MCPH1: variants seen among roughly 807,000 people sequenced by gnomAD.
The protein encoded by MCPH1 is microcephalin.
Under a neutral mutation model 84.5 loss-of-function variants are expected in MCPH1, and 104 were observed. That is an observed-to-expected ratio of 1.23 (90% CI 1.05 to 1.45). The LOEUF is 1.45. Among genes scored for constraint, MCPH1 ranks in the 40% most tolerant of loss-of-function variants. The probability of loss-of-function intolerance (pLI) is 0.00; values close to 1 mark genes in which losing one functional copy is unlikely to be tolerated. For missense variants in MCPH1, 1,498 were observed against 1,005.7 expected (o/e 1.49, Z -6.62); for synonymous variants, 514 against 366.8 (o/e 1.40, Z -4.58).
intron 12 of MCPH1, chr8:6,521,491 G>C (rs1314665808): frequency 2.0e-6 from 2 of 1,021,754 alleles, no homozygotes; most frequent in Non-Finnish European, 2.8e-6. Flanking sequence ...ACTTCTCCAA[G>C]GTACTCTGTT....
chr8:6,538,364 C>T (rs1457598569), intron 12 of MCPH1, among the ~76,000 whole-genome samples: 1 of 152,346 alleles, frequency 6.6e-6, no homozygotes, highest in East Asian at 1.9e-4. Flanking sequence ...GCCACGCATC[C>T]CCCAGCTGCT....
In MCPH1 at chr8:6,477,603, A is replaced by G. The variant is rs1330847860; in HGVS notation, c.1945A>G (p.Thr649Ala). Residue 649 changes from threonine (T) to alanine (A), a missense_variant, in exon 10 of 14, where the codon ACA (threonine) becomes GCA (alanine). Thr to Ala is a moderately conservative substitution (Grantham distance 58, BLOSUM62 0). Coordinates refer to ENST00000344683, the MANE Select transcript of MCPH1 (RefSeq NM_024596.5). ...TGTTTGAAATCTCTAGCCAACAAGA[A>G]CATTAGTCATGACAAGCATGCCATC... is the stretch of plus-strand genomic sequence containing the variant. The part of the protein sequence containing the change: ...KSGRGKKPTR[T>A]LVMTSMPSEK... The G allele has an allele frequency of 6.2e-7, 1 of 1,613,154 alleles. No individual in the cohort carries two copies. The highest frequency in any genetic ancestry group is 8.5e-7 in the Non-Finnish European group (1 of 1,179,434).
chr8:6,499,809 G>C lies in MCPH1; in HGVS notation c.2137-43G>C, dbSNP rs186408516. 3.2e-6 allele frequency: 5 copies of C among 1,567,080 alleles called. No individual in the cohort carries two copies. The Admixed American group carries it at 5.0e-5, about 16-fold the overall frequency. ...GATTCTTGGTTTATTGCCTGCTAAG[G>C]CTAATAAATGTATAATAAATCTGCT... On this transcript the variant is annotated intron_variant, in intron 11 of 13. Transcript: ENST00000344683.
intron 9 of MCPH1, among the ~76,000 whole-genome samples, chr8:6,470,385 G>A (rs1807562085): frequency 6.6e-6 from 1 of 152,172 alleles, no homozygotes; most frequent in Non-Finnish European, 1.5e-5. Flanking sequence ...CCGGGTTCAA[G>A]CGATTCTCCT....
At chr8:6,501,206 C>A (rs1392664789) in intron 12 of MCPH1, 1 of 152,110 alleles carries the variant, frequency 6.6e-6, no homozygotes, top group African/African-American at 2.4e-5. Context: ...ATCATTGACT[C>A]CAAATATGTA....
chr8:6,633,300 CAAT>C (rs1797302232), intron 13 of MCPH1, among the ~76,000 whole-genome samples: 1 of 152,132 alleles, frequency 6.6e-6, no homozygotes, highest in Non-Finnish European at 1.5e-5. Flanking sequence ...CAAAGAGAGT[CAAT>C]AAACTGTTAC....
chr8:6,437,737 G>C (rs748408875), intron 5 of MCPH1, among the ~76,000 whole-genome samples: 28 of 152,094 alleles, frequency 1.8e-4, no homozygotes, highest in Non-Finnish European at 3.2e-4. Context: ...ACGTGCAATC[G>C]TCCTTGACAT....
rs1038555805 is a variant in MCPH1, at chr8:6,536,943, A to G, written c.2214+37014A>G. On this transcript the variant is annotated intron_variant, in intron 12 of 13. Transcript: ENST00000344683. ...AACCTGCCCAGAAATATGAAATTCC[A>G]TTCTAAGTATAAGGAAGTCTTAGTA... Among the ~76,000 whole-genome samples, 4 of 150,310 alleles carry G rather than the reference A, an allele frequency of 2.7e-5. No homozygotes were observed. In the South Asian group the frequency reaches 8.5e-4, roughly 32 times the overall value.
intron 12 of MCPH1, among the ~76,000 whole-genome samples, chr8:6,599,845 C>T (rs1563171526): frequency 6.6e-6 from 1 of 152,148 alleles, no homozygotes; most frequent in Non-Finnish European, 1.5e-5. Context: ...CTCCTTGCTC[C>T]CATATACCAA....
intron 12 of MCPH1, among the ~76,000 whole-genome samples, chr8:6,558,017 C>T (rs1824930702): frequency 6.6e-6 from 1 of 152,188 alleles, no homozygotes; most frequent in Non-Finnish European, 1.5e-5. Flanking sequence ...GTCTCTGTCT[C>T]TCCTGCCCCT....
intron 12 of MCPH1, among the ~76,000 whole-genome samples, chr8:6,595,432 A>C (rs1828843343): frequency 6.6e-6 from 1 of 152,184 alleles, no homozygotes; most frequent in Non-Finnish European, 1.5e-5. Context: ...AAGTTGGCCA[A>C]GTAGATGCAG....
In MCPH1 at chr8:6,532,395, T is replaced by G. The variant is rs767171060; in HGVS notation, c.2214+32466T>G. The G allele has an allele frequency of 8.2e-5, 133 of 1,614,062 alleles. No homozygotes were observed. The South Asian group carries it at 1.4e-3, about 17-fold the overall frequency. ...CTGTTTGGTTCAACAGGTTTGTCCC[T>G]ATTTCTATCATCACAGCCGTCTGGT... is the stretch of plus-strand genomic sequence containing the variant. On this transcript the variant is annotated intron_variant, in intron 12 of 13. Coordinates refer to ENST00000344683, the MANE Select transcript of MCPH1 (RefSeq NM_024596.5).
chr8:6,447,207 C>T (rs1804527599), intron 8 of MCPH1: 6 of 985,212 alleles, frequency 6.1e-6, no homozygotes, highest in Admixed American at 1.2e-4. Context: ...TTTAAACTGT[C>T]CACTGTCAGC....
intron 13 of MCPH1, among the ~76,000 whole-genome samples, chr8:6,640,320 G>A (rs893377446): frequency 2.2e-4 from 34 of 151,986 alleles, no homozygotes; most frequent in African/African-American, 7.5e-4. Flanking sequence ...TATTACTAAC[G>A]GTACATAAAG....
intron 11 of MCPH1, among the ~76,000 whole-genome samples, chr8:6,491,485 T>G (rs1458015792): frequency 6.6e-6 from 1 of 151,978 alleles, no homozygotes; most frequent in African/African-American, 2.4e-5. Context: ...TTCTTTTTTT[T>G]TTATTATACT....
At chr8:6,632,620 T>G (rs761381458) in intron 13 of MCPH1, among the ~76,000 whole-genome samples, 10 of 152,076 alleles carry the variant, frequency 6.6e-5, no homozygotes, top group Non-Finnish European at 1.2e-4. Flanking sequence ...CCATCCTGGC[T>G]AACACAGTGA....
intron 13 of MCPH1, among the ~76,000 whole-genome samples, chr8:6,633,989 G>A (rs1393559278): frequency 6.6e-6 from 1 of 152,196 alleles, no homozygotes; most frequent in Non-Finnish European, 1.5e-5. Context: ...AGAGTATGGT[G>A]TTGGGATGAC....
intron 12 of MCPH1, among the ~76,000 whole-genome samples, chr8:6,555,449 C>CG (rs140049089): frequency 0.038 from 5,613 of 148,286 alleles, 186 homozygotes; most frequent in African/African-American, 0.088. Flanking sequence ...ATTTGTTTTA[C>CG]GGGGGGTGGT....
intron 12 of MCPH1, among the ~76,000 whole-genome samples, chr8:6,538,072 T>C (rs1820826345): frequency 6.6e-6 from 1 of 152,154 alleles, no homozygotes; most frequent in Non-Finnish European, 1.5e-5. Context: ...AATTTCGAAA[T>C]AGGATTTTGC....
Sources: allele counts gnomAD v4.1 joint callset (sites outside exome capture counted in the v4.1 genomes callset), GRCh38; gene constraint gnomAD v4.1.1; transcripts MANE v1.5; gene names NCBI Gene and HGNC (gene_info 2026-07-23, HGNC 2026-07-21).